Variants in CNTNAP2 observed in about 807,000 individuals in gnomAD.
CNTNAP2 encodes the protein contactin-associated protein-like 2.
A neutral mutation model predicts 155.2 loss-of-function variants in CNTNAP2; 98 were observed. The observed-to-expected ratio is 0.63, with a 90% CI of 0.54 to 0.75. The LOEUF is 0.75. Among genes scored for constraint, CNTNAP2 ranks in the 30% least tolerant of loss-of-function variants. The probability of loss-of-function intolerance (pLI) is 0.00; values close to 1 mark genes in which losing one functional copy is unlikely to be tolerated. For synonymous variants in CNTNAP2, 651 were observed against 631.2 expected, an observed-to-expected ratio of 1.03 and a Z score of -0.47; for missense variants, 1,727 against 1,688.1, an observed-to-expected ratio of 1.02 and a Z score of -0.40.
intron 1 of CNTNAP2, among the ~76,000 whole-genome samples, chr7:146,173,058 C>T (rs1798417698): frequency 6.6e-6 from 1 of 151,908 alleles, no homozygotes; most frequent in Admixed American, 6.6e-5. Context: ...TGATATAATC[C>T]TATCTGCTTT....
chr7:146,741,877 G>A (rs1205363528), intron 1 of CNTNAP2, among the ~76,000 whole-genome samples: 2 of 152,030 alleles, frequency 1.3e-5, no homozygotes, highest in Non-Finnish European at 2.9e-5. Flanking sequence ...GGAGCTAGAG[G>A]ATAATTAGGA....
At chr7:148,362,177 G>T (rs1371605219) in intron 21 of CNTNAP2, among the ~76,000 whole-genome samples, 1 of 149,492 alleles carries the variant, frequency 6.7e-6, no homozygotes, top group Admixed American at 6.8e-5. Context: ...TCTAGCCTGG[G>T]CAATAGAGGG....
chr7:147,179,428 A>G (rs886659558), intron 8 of CNTNAP2, among the ~76,000 whole-genome samples: 5 of 152,180 alleles, frequency 3.3e-5, no homozygotes, highest in African/African-American at 1.2e-4. Context: ...GGAGGAAGAA[A>G]ACTCCAGACA....
Position 146,782,819 on chromosome 7 carries a change from C to G in CNTNAP2, c.208+8438C>G, listed in dbSNP as rs560459670. On this transcript the variant is annotated intron_variant, in intron 2 of 23. Coordinates refer to ENST00000361727, the MANE Select transcript of CNTNAP2 (RefSeq NM_014141.6). Reference sequence around the variant, plus strand: ...ATTAGTCTCTTTCCCATAAGTTACTCCCAGCTTCTAAAAACAACACTATAG... The same window carrying G: ...ATTAGTCTCTTTCCCATAAGTTACTGCCAGCTTCTAAAAACAACACTATAG... Among the ~76,000 whole-genome samples, 25 of 152,244 alleles carry G rather than the reference C, an allele frequency of 1.6e-4. No homozygotes were observed. In the South Asian group the frequency reaches 5.2e-3, roughly 32 times the overall value.
chr7:147,983,284 A>T (rs1055658616), intron 15 of CNTNAP2, among the ~76,000 whole-genome samples: 2 of 152,096 alleles, frequency 1.3e-5, no homozygotes, highest in Non-Finnish European at 2.9e-5. Flanking sequence ...GAAGAGTTCA[A>T]AATTTATTTA....
At chr7:148,280,104 T>C (rs1240435195) in intron 21 of CNTNAP2, among the ~76,000 whole-genome samples, 1 of 151,654 alleles carries the variant, frequency 6.6e-6, no homozygotes, top group African/African-American at 2.4e-5. Flanking sequence ...AGGTCAGGAG[T>C]TCGAGACCAG....
chr7:148,194,951 A>T (rs1168039090), intron 18 of CNTNAP2, among the ~76,000 whole-genome samples: 1 of 152,198 alleles, frequency 6.6e-6, no homozygotes, highest in Non-Finnish European at 1.5e-5. Flanking sequence ...CCCTTAGCCC[A>T]GTCAAGATGA....
chr7:146,482,276 G>A (rs1453256009), intron 1 of CNTNAP2, among the ~76,000 whole-genome samples: 1 of 150,762 alleles, frequency 6.6e-6, no homozygotes, highest in Non-Finnish European at 1.5e-5. Context: ...AGAGTTTTCT[G>A]GATAGTAAAG....
intron 16 of CNTNAP2, among the ~76,000 whole-genome samples, chr7:148,140,222 TG>T (rs1246761635): frequency 6.6e-6 from 1 of 152,100 alleles, no homozygotes; most frequent in African/African-American, 2.4e-5. Flanking sequence ...CATGGGGTAT[TG>T]CCAATGAGGG....
At chr7:146,799,155 G>T (rs899930419) in intron 2 of CNTNAP2, among the ~76,000 whole-genome samples, 4 of 152,112 alleles carry the variant, frequency 2.6e-5, no homozygotes, top group Non-Finnish European at 5.9e-5. Flanking sequence ...TTAAGTATTT[G>T]TTTTAGATCA....
At chr7:146,442,857 C>T (rs1796339895) in intron 1 of CNTNAP2, among the ~76,000 whole-genome samples, 1 of 152,090 alleles carries the variant, frequency 6.6e-6, no homozygotes, top group Non-Finnish European at 1.5e-5. Context: ...CACAGTATTT[C>T]CAAAGATTCG....
chr7:147,279,745 A>C (rs1804986843), intron 8 of CNTNAP2, among the ~76,000 whole-genome samples: 1 of 151,862 alleles, frequency 6.6e-6, no homozygotes, highest in African/African-American at 2.4e-5. Context: ...TTTTGTCACA[A>C]AGTCAACATT....
chr7:147,806,673 A>C (rs1440272133), intron 13 of CNTNAP2, among the ~76,000 whole-genome samples: 1 of 152,334 alleles, frequency 6.6e-6, no homozygotes, highest in Non-Finnish European at 1.5e-5. Flanking sequence ...AACCATAAAA[A>C]GAATGAAATT....
At position 146,564,898 on chromosome 7, in the gene CNTNAP2, T is replaced by C. The variant is rs552123936; in HGVS notation, c.98-209373T>C. Among the ~76,000 whole-genome samples, 15 of 152,224 alleles carry C rather than the reference T, an allele frequency of 9.9e-5. No homozygotes were observed. In the South Asian group the frequency reaches 3.1e-3, roughly 32 times the overall value. The stretch of plus-strand genomic sequence containing the variant: ...ATAAGCAAAGTATGATCTCTTATTA[T>C]ACATATTCTATAGATAAGAAACTGA... On this transcript the variant is annotated intron_variant, in intron 1 of 23. Coordinates refer to ENST00000361727, the MANE Select transcript of CNTNAP2 (RefSeq NM_014141.6).
At chr7:146,588,127 C>T (rs1369150258) in intron 1 of CNTNAP2, among the ~76,000 whole-genome samples, 1 of 151,982 alleles carries the variant, frequency 6.6e-6, no homozygotes, top group African/African-American at 2.4e-5. Flanking sequence ...CAGCTGTAGG[C>T]TCTATACTCT....
At chr7:147,346,196 G>A (rs1046507528) in intron 9 of CNTNAP2, among the ~76,000 whole-genome samples, 1 of 146,068 alleles carries the variant, frequency 6.8e-6, no homozygotes, top group African/African-American at 2.5e-5. Context: ...CGTCCAGGCC[G>A]GACTGCGGAC....
intron 13 of CNTNAP2, among the ~76,000 whole-genome samples, chr7:147,897,908 A>G (rs1385326425): frequency 6.6e-6 from 1 of 152,248 alleles, no homozygotes; most frequent in East Asian, 1.9e-4. Flanking sequence ...ACTTAAACAT[A>G]GAAAGCAAAC....
intron 11 of CNTNAP2, among the ~76,000 whole-genome samples, chr7:147,513,000 A>G (rs1799048242): frequency 6.6e-6 from 1 of 152,318 alleles, no homozygotes; most frequent in South Asian, 2.1e-4. Flanking sequence ...AAATGAAAAT[A>G]CCTGGTTGAA....
chr7:147,694,494 G>T (rs1401481486), intron 13 of CNTNAP2, among the ~76,000 whole-genome samples: 2 of 152,154 alleles, frequency 1.3e-5, no homozygotes, highest in African/African-American at 4.8e-5. Flanking sequence ...GATTTAGAAG[G>T]TTATTAATTA....
Sources: allele counts gnomAD v4.1 joint callset (sites outside exome capture counted in the v4.1 genomes callset), GRCh38; gene constraint gnomAD v4.1.1; transcripts MANE v1.5; gene names NCBI Gene and HGNC (gene_info 2026-07-23, HGNC 2026-07-21).